SRD5A2: variants seen among roughly 807,000 people sequenced by gnomAD.
SRD5A2 encodes steroid 5 alpha-reductase 2, also known as 3-oxo-5-alpha-steroid 4-dehydrogenase 2.
Under a neutral mutation model 27.4 loss-of-function variants are expected in SRD5A2, and 30 were observed. The ratio of observed to expected loss-of-function variants is 1.10; its 90% CI spans 0.82 to 1.49. The LOEUF (loss-of-function observed/expected upper bound fraction) is 1.49, where lower values mean the gene tolerates loss of function less well. SRD5A2 is among the 40% of genes most tolerant of loss of function. The pLI is 0.00. For synonymous variants in SRD5A2, 141 were observed against 133.6 expected (o/e 1.06, Z -0.38); for missense variants, 348 against 323.4 (o/e 1.08, Z -0.58).
chr2:31,638,907 A>T, the SRD5A2 span, among the ~76,000 whole-genome samples: 11 of 151,960 alleles, frequency 7.2e-5, no homozygotes, highest in Non-Finnish European at 1.5e-5. Context: ...GAGGCCATTT[A>T]TATTAAGTGT....
At chr2:31,543,612 C>T (rs1666181587) in intron 1 of SRD5A2, among the ~76,000 whole-genome samples, 1 of 152,020 alleles carries the variant, frequency 6.6e-6, no homozygotes, top group Non-Finnish European at 1.5e-5. Flanking sequence ...AATTTTGTGA[C>T]ATTAACAATC....
intron 2 of SRD5A2, among the ~76,000 whole-genome samples, chr2:31,533,105 T>A (rs542618556): frequency 1.0e-3 from 156 of 152,290 alleles, no homozygotes; most frequent in African/African-American, 3.5e-3. Flanking sequence ...TTGGTGTTAG[T>A]GAATTATATG....
At chr2:31,623,451 A>T in the SRD5A2 span, among the ~76,000 whole-genome samples, 1 of 152,108 alleles carries the variant, frequency 6.6e-6, no homozygotes, top group East Asian at 1.9e-4. Flanking sequence ...CGTTTCCACC[A>T]TCTCAGCCTC....
rs28383062 is a variant in SRD5A2, at chr2:31,529,768, G to C, written c.548-311C>G. On this transcript the variant is annotated intron_variant, in intron 3 of 4. Coordinates refer to ENST00000622030, the MANE Select transcript of SRD5A2 (RefSeq NM_000348.4). Reference sequence around the variant, plus strand: ...GATAAGGGAGAGGTGTAGGAGGTCTGGTTTTTGTTTTGTTCTGTTAAGGAA... The same window carrying C: ...GATAAGGGAGAGGTGTAGGAGGTCTCGTTTTTGTTTTGTTCTGTTAAGGAA... Among the ~76,000 whole-genome samples, 509 of 152,232 alleles carry C rather than the reference G, an allele frequency of 3.3e-3. 5 individuals are homozygous for C. Among genetic ancestry groups the C allele is most frequent in the Admixed American group, 0.021 (324 of 15,290 alleles).
intron 4 of SRD5A2, among the ~76,000 whole-genome samples, chr2:31,526,480 T>C (rs1665783777): frequency 6.6e-6 from 1 of 152,148 alleles, no homozygotes. Flanking sequence ...AGGCAGAGGG[T>C]AGTGGTGATG....
the SRD5A2 span, among the ~76,000 whole-genome samples, chr2:31,591,896 A>G: frequency 2.9e-5 from 4 of 137,142 alleles, no homozygotes; most frequent in East Asian, 4.6e-4. Flanking sequence ...ATGAGAACAC[A>G]TGGGCACAGG....
the SRD5A2 span, among the ~76,000 whole-genome samples, chr2:31,587,553 G>A: frequency 1.3e-5 from 2 of 152,154 alleles, no homozygotes; most frequent in Admixed American, 1.3e-4. Flanking sequence ...ATACACAATG[G>A]AATACTATGC....
In SRD5A2 at chr2:31,574,837, G is replaced by C. The variant is rs182440184; in HGVS notation, c.281+5783C>G. 6.6e-5 allele frequency among the ~76,000 whole-genome samples: 10 copies of C among 152,272 alleles called. 1 individual carries two copies. In the East Asian group the frequency reaches 1.9e-3, roughly 29 times the overall value. The stretch of plus-strand genomic sequence containing the variant: ...CTTTAGAAGGGATTGGTAAACTATG[G>C]CCCATAGGCCAAATATGGCCCACTG... On this transcript the variant is annotated intron_variant, in intron 1 of 4. Coordinates refer to ENST00000622030, the MANE Select transcript of SRD5A2 (RefSeq NM_000348.4).
chr2:31,607,934 A>T, the SRD5A2 span, among the ~76,000 whole-genome samples: 2 of 151,874 alleles, frequency 1.3e-5, no homozygotes, highest in African/African-American at 4.8e-5. Flanking sequence ...GTAAGAAGAC[A>T]ATGATCTCTC....
At chr2:31,554,377 T>G (rs1386399282) in intron 1 of SRD5A2, among the ~76,000 whole-genome samples, 1 of 152,200 alleles carries the variant, frequency 6.6e-6, no homozygotes, top group Non-Finnish European at 1.5e-5. Flanking sequence ...GCAACTCCAC[T>G]GTGAAAATGA....
chr2:31,604,824 CACAGAAGACCCAGAAT>C, the SRD5A2 span, among the ~76,000 whole-genome samples: 1 of 151,702 alleles, frequency 6.6e-6, no homozygotes, highest in Non-Finnish European at 1.5e-5. Flanking sequence ...TATATGGATT[CACAGAAGACCCAGAAT>C]AGCCAAAGCT....
At chr2:31,633,132 GA>G in the SRD5A2 span, among the ~76,000 whole-genome samples, 1 of 152,096 alleles carries the variant, frequency 6.6e-6, no homozygotes, top group African/African-American at 2.4e-5. Context: ...TTTATAGAAG[GA>G]CCCCTAATAT....
At chr2:31,527,787 T>G (rs11889731) in intron 4 of SRD5A2, 23,387 of 152,234 alleles carry the variant, frequency 0.15, 1,931 homozygotes, top group African/African-American at 0.21. Flanking sequence ...AATAGGTCAC[T>G]AGCTGTTGCT....
the SRD5A2 span, among the ~76,000 whole-genome samples, chr2:31,627,344 A>G: frequency 6.7e-6 from 1 of 149,382 alleles, no homozygotes; most frequent in East Asian, 2.0e-4. Context: ...ATTTAATTGC[A>G]TCTTCTTTTC....
At chr2:31,610,191 T>C in the SRD5A2 span, among the ~76,000 whole-genome samples, 1 of 152,092 alleles carries the variant, frequency 6.6e-6, no homozygotes, top group Non-Finnish European at 1.5e-5. Flanking sequence ...ATTATCCTGA[T>C]ACCAAAGCCA....
At chr2:31,570,415 C>T (rs1409209487) in intron 1 of SRD5A2, among the ~76,000 whole-genome samples, 1 of 152,124 alleles carries the variant, frequency 6.6e-6, no homozygotes, top group South Asian at 2.1e-4. Context: ...CCACAGCTAA[C>T]ATCATACTGA....
the SRD5A2 span, among the ~76,000 whole-genome samples, chr2:31,587,940 CA>C: frequency 1.3e-5 from 2 of 152,038 alleles, no homozygotes; most frequent in Non-Finnish European, 1.5e-5. Context: ...AAGAATCAAA[CA>C]GAAATTCTGG....
rs760094212 is a variant in SRD5A2 at position 31,523,989 on chromosome 2, G to C, written c.*2207C>G. 4.0e-4 allele frequency: 88 copies of C among 219,312 alleles called. No homozygotes were observed. Among genetic ancestry groups the C allele is most frequent in the Non-Finnish European group, 6.8e-4 (74 of 109,404 alleles). 13.6% of individuals were successfully genotyped at this position (219,312 alleles called of 1,614,324 possible). A position where few individuals can be genotyped will look rare whatever the true frequency, so the allele number is the denominator to read the frequency against. On this transcript the variant is annotated 3_prime_UTR_variant, in exon 5 of 5. Coordinates refer to ENST00000622030, the MANE Select transcript of SRD5A2 (RefSeq NM_000348.4). The stretch of plus-strand genomic sequence containing the variant: ...GATCATGCTAACTTGAAAGGTCCAC[G>C]ATCAGGCAACAGGACTGGGGTTGGA...
Position 31,525,695 on chromosome 2 carries a change from T to A in SRD5A2, c.*501A>T, listed in dbSNP as rs992594206. 2.2e-5 allele frequency: 5 copies of A among 228,706 alleles called. No individual in the cohort carries two copies. Among genetic ancestry groups the A allele is most frequent in the African/African-American group, 1.1e-4 (5 of 45,086 alleles). 14.2% of individuals were successfully genotyped at this position (228,706 alleles called of 1,614,324 possible). On this transcript the variant is annotated 3_prime_UTR_variant, in exon 5 of 5. Coordinates refer to ENST00000622030, the MANE Select transcript of SRD5A2 (RefSeq NM_000348.4). Reference sequence around the variant, plus strand: ...TAATTAACCAAGAAAAAGGAAGCCATGACTGGGGTTTTCATTTGGGAGTGG... The same window carrying A: ...TAATTAACCAAGAAAAAGGAAGCCAAGACTGGGGTTTTCATTTGGGAGTGG...
Sources: gnomAD v4.1 joint callset for allele counts (sites outside exome capture counted in the v4.1 genomes callset) on GRCh38, gnomAD v4.1.1 for gene constraint, MANE v1.5 for transcripts, NCBI Gene and HGNC (gene_info 2026-07-23, HGNC 2026-07-21) for gene names.